The following SEL1L3 variants were observed in gnomAD, a reference collection of about 807,000 sequenced individuals.
SEL1L3 encodes the protein SEL1L family member 3, also known as protein sel-1 homolog 3.
SEL1L3 carries 76 observed loss-of-function variants against 142.8 expected under a neutral mutation model. That is an observed-to-expected ratio of 0.53 (90% CI 0.44 to 0.64). The LOEUF is 0.64. SEL1L3 is among the 30% of genes least tolerant of loss of function. The pLI is 0.00. For missense variants in SEL1L3, 1,262 were observed against 1,381.7 expected (o/e 0.91, Z 1.37); for synonymous variants, 504 against 519.6 (o/e 0.97, Z 0.41).
chr4:25,860,415 C>T (rs1341071317), intron 1 of SEL1L3, among the ~76,000 whole-genome samples: 11 of 152,060 alleles, frequency 7.2e-5, no homozygotes, highest in Admixed American at 7.2e-4. Context: ...TATACATTTG[C>T]GTTTTCTCTC....
At chr4:25,835,031 G>T (rs1348870408) in intron 3 of SEL1L3, among the ~76,000 whole-genome samples, 166 bp downstream of exon 3, 2 of 151,936 alleles carry the variant, frequency 1.3e-5, no homozygotes, top group African/African-American at 4.8e-5. Flanking sequence ...CTCATTTGAG[G>T]TTTTCAGGTC....
At chr4:25,793,931 T>A (rs1284603285) in intron 11 of SEL1L3, among the ~76,000 whole-genome samples, 1 of 152,214 alleles carries the variant, frequency 6.6e-6, no homozygotes, top group Non-Finnish European at 1.5e-5. Context: ...GAGAAAGGAT[T>A]CCCTATTTAA....
At chr4:25,842,617 C>T (rs1393018384) in intron 2 of SEL1L3, among the ~76,000 whole-genome samples, 2 of 152,194 alleles carry the variant, frequency 1.3e-5, no homozygotes, top group Non-Finnish European at 2.9e-5. Context: ...GGAGCACTGC[C>T]ACCTCCACCC....
chr4:25,790,323 G>T (rs748773463), intron 12 of SEL1L3, 132 bp downstream of exon 12: 7 of 849,750 alleles, frequency 8.2e-6, no homozygotes, highest in Admixed American at 2.1e-5. Flanking sequence ...AACCCCTATT[G>T]GACATGCAGT....
intron 17 of SEL1L3, among the ~76,000 whole-genome samples, chr4:25,775,056 G>A (rs1719515619): frequency 6.6e-6 from 1 of 152,188 alleles, no homozygotes; most frequent in South Asian, 2.1e-4. Flanking sequence ...GCAGAGGGTG[G>A]GAGGTTGGGA....
chr4:25,857,080 C>T (rs372115887), intron 1 of SEL1L3, among the ~76,000 whole-genome samples: 16 of 152,172 alleles, frequency 1.1e-4, no homozygotes, highest in Non-Finnish European at 1.8e-4. Context: ...TTCAAACTGG[C>T]TGGATCACAT....
In SEL1L3 at chr4:25,748,137, A is replaced by G; in HGVS notation, c.*288T>C. 2.5e-6 allele frequency: 1 copy of G among 402,610 alleles called. No homozygotes were observed. 24.9% of individuals were successfully genotyped at this position (402,610 alleles called of 1,614,324 possible). ...GCCGTAGGGCATGCTATGACTCCTA[A>G]TACATACAATCACTAGAACAAAAGT... On this transcript the variant is annotated 3_prime_UTR_variant, in exon 24 of 24. Coordinates refer to ENST00000399878, the MANE Select transcript of SEL1L3 (RefSeq NM_015187.5).
At chr4:25,855,169 TATTG>T (rs1717170051) in intron 1 of SEL1L3, among the ~76,000 whole-genome samples, 1 of 152,210 alleles carries the variant, frequency 6.6e-6, no homozygotes, top group Admixed American at 6.5e-5. Flanking sequence ...ACACTCTAAA[TATTG>T]ATTAAGCTGA....
chr4:25,751,414 C>T lies in SEL1L3; in HGVS notation c.3260-2850G>A, dbSNP rs571195293. ...AAGATGACGGAGTTCCCAGGTGACCCAGAAGCTGCAAAGCCAATGGACCTA... is the reference window on the plus strand; with the variant it reads ...AAGATGACGGAGTTCCCAGGTGACCTAGAAGCTGCAAAGCCAATGGACCTA... On this transcript the variant is annotated intron_variant, in intron 23 of 23. Coordinates refer to ENST00000399878, the MANE Select transcript of SEL1L3 (RefSeq NM_015187.5). Among the ~76,000 whole-genome samples, 140 of 152,070 alleles carry T rather than the reference C, an allele frequency of 9.2e-4. 2 individuals are homozygous for T. Among genetic ancestry groups the T allele is most frequent in the African/African-American group, 3.4e-3 (139 of 41,484 alleles).
chr4:25,836,784 A>G (rs1014182556), intron 2 of SEL1L3, among the ~76,000 whole-genome samples: 3 of 152,204 alleles, frequency 2.0e-5, no homozygotes, highest in Non-Finnish European at 4.4e-5. Flanking sequence ...TCCATCAAAC[A>G]CCAATATCGG....
rs115625644 is a variant in SEL1L3 at position 25,822,001 on chromosome 4, C to T, written c.1285G>A (p.Ala429Thr). ...TCCTGATCCCCTGGACTCACCTGGG[C>T]GGGGTGCAGACTGCGAAGGCGATAG... ...KYYRLRSLHP[A>T]QIFNPLLEKQ... The change falls in exon 7 of 24, where the codon GCC (alanine) becomes ACC (threonine). Residue 429 changes from alanine (A) to threonine (T), a missense_variant. By Grantham distance (58) the Ala-to-Thr change is moderately conservative. This residue lies in a region of SEL1L3 where 689 missense variants were observed against 692.8 expected (regional missense o/e 0.99). Transcript: ENST00000399878. The T allele has an allele frequency of 1.1e-4, 180 of 1,613,200 alleles. No individual in the cohort carries two copies. The African/African-American group carries it at 1.7e-3, about 15-fold the overall frequency.
At chr4:25,719,073 G>C in the SEL1L3 span, 11 of 152,398 alleles carry the variant, frequency 7.2e-5, no homozygotes, top group African/African-American at 2.6e-4. Flanking sequence ...CTACTTGGGA[G>C]GCTGAGGCAA....
At chr4:25,847,935 C>T in intron 1 of SEL1L3, 71 bp from the exon 2 acceptor site, 5 of 899,100 alleles carry the variant, frequency 5.6e-6, no homozygotes, top group Non-Finnish European at 8.3e-6. Flanking sequence ...ATACTTGAAT[C>T]ATTATTTTCC....
At chr4:25,715,608 T>C in the SEL1L3 span, among the ~76,000 whole-genome samples, 2 of 152,090 alleles carry the variant, frequency 1.3e-5, no homozygotes, top group African/African-American at 2.4e-5. Context: ...TGTGCCATGA[T>C]AAAAGAACAA....
At chr4:25,773,602 A>T (rs16877538) in intron 17 of SEL1L3, 68,177 of 151,934 alleles carry the variant, frequency 0.45, 15,763 homozygotes, top group African/African-American at 0.56. Context: ...ATAAGCATCT[A>T]AGAAACAGGC....
At chr4:25,715,739 C>T in the SEL1L3 span, among the ~76,000 whole-genome samples, 1 of 151,360 alleles carries the variant, frequency 6.6e-6, no homozygotes, top group African/African-American at 2.4e-5. Context: ...AGCTATAAAA[C>T]AACAAAGAAA....
chr4:25,847,465 C>A lies in SEL1L3; in HGVS notation c.562G>T (p.Val188Phe), dbSNP rs1400393731. Residue 188 changes from valine to phenylalanine, a missense_variant, in exon 2 of 24, where the codon GTT becomes TTT. Around this residue, in one of 3 missense-constraint regions of SEL1L3, gnomAD observed 689 missense variants for 692.8 expected, o/e 0.99. Transcript: ENST00000399878. ...TGGAGCAAGTTTTCCTCCCATTTAACATTCCAGTCTCTGCCACTGTATTTG... is the reference window on the plus strand; with the variant it reads ...TGGAGCAAGTTTTCCTCCCATTTAAAATTCCAGTCTCTGCCACTGTATTTG... ...THKYSGRDWN[V>F]KWEENLLHAV... The A allele has an allele frequency of 1.9e-6, 3 of 1,614,030 alleles. No homozygotes were observed. In the South Asian group the frequency reaches 3.3e-5, roughly 18 times the overall value.
intron 7 of SEL1L3, 75 bp downstream of exon 7, chr4:25,821,921 C>T (rs973115284): frequency 1.4e-6 from 2 of 1,471,468 alleles, no homozygotes; most frequent in African/African-American, 1.4e-5. Flanking sequence ...CTTTTATTTA[C>T]ACTGGGTGGC....
chr4:25,810,504 C>A (rs1713948627), intron 9 of SEL1L3, among the ~76,000 whole-genome samples: 1 of 152,162 alleles, frequency 6.6e-6, no homozygotes, highest in African/African-American at 2.4e-5. Context: ...AAGGAAATGG[C>A]CAGCACAACT....
Sources: allele counts gnomAD v4.1 joint callset (sites outside exome capture counted in the v4.1 genomes callset), GRCh38; gene constraint gnomAD v4.1.1; regional missense constraint gnomAD v4.1.1; transcripts MANE v1.5; gene names NCBI Gene and HGNC (gene_info 2026-07-23, HGNC 2026-07-21).